Variants in TAOK1 observed in about 807,000 individuals in gnomAD.
TAOK1 encodes the protein serine/threonine-protein kinase TAO1.
TAOK1 carries 21 observed loss-of-function variants against 138.3 expected under a neutral mutation model. The ratio of observed to expected loss-of-function variants is 0.15; its 90% CI spans 0.11 to 0.22. The LOEUF (loss-of-function observed/expected upper bound fraction) is 0.22, where lower values mean the gene tolerates loss of function less well. TAOK1 is among the 10% of genes least tolerant of loss of function. The pLI is 1.00. For missense variants in TAOK1, 651 were observed against 1,227.7 expected, an observed-to-expected ratio of 0.53 and a Z score of 7.02; for synonymous variants, 361 against 398.4, an observed-to-expected ratio of 0.91 and a Z score of 1.12.
intron 1 of TAOK1, among the ~76,000 whole-genome samples, chr17:29,396,477 T>A (rs533568829): frequency 6.6e-6 from 1 of 152,222 alleles, no homozygotes; most frequent in South Asian, 2.1e-4. Context: ...TTAAATATAA[T>A]GGCACTTAAT....
intron 1 of TAOK1, among the ~76,000 whole-genome samples, chr17:29,449,703 C>T (rs1008788603): frequency 2.6e-5 from 4 of 151,510 alleles, no homozygotes; most frequent in Non-Finnish European, 5.9e-5. Flanking sequence ...TAGCCGGGGG[C>T]GGTGGTGCGT....
chr17:29,493,754 GA>G (rs1364164357), intron 10 of TAOK1, among the ~76,000 whole-genome samples: 1 of 151,568 alleles, frequency 6.6e-6, no homozygotes, highest in African/African-American at 2.4e-5. Flanking sequence ...CTATCATAAA[GA>G]AAAAAACTAA....
At chr17:29,408,369 G>T (rs575837579) in intron 1 of TAOK1, among the ~76,000 whole-genome samples, 1 of 151,890 alleles carries the variant, frequency 6.6e-6, no homozygotes, top group African/African-American at 2.4e-5. Flanking sequence ...GGGACTACAG[G>T]AGTGTGCCAC....
chr17:29,396,501 A>G (rs911442819), intron 1 of TAOK1, among the ~76,000 whole-genome samples: 4 of 152,216 alleles, frequency 2.6e-5, no homozygotes, highest in African/African-American at 9.7e-5. Context: ...CGTCTAATTT[A>G]TCTTTAAAGC....
At chr17:29,478,195 T>C in intron 5 of TAOK1, 56 bp from the exon 6 acceptor site, 2 of 1,308,682 alleles carry the variant, frequency 1.5e-6, no homozygotes, top group African/African-American at 1.5e-5. Flanking sequence ...GTATTAGATA[T>C]GTATTTTTTT....
chr17:29,458,038 A>C (rs1010752477), intron 2 of TAOK1, among the ~76,000 whole-genome samples: 1 of 151,762 alleles, frequency 6.6e-6, no homozygotes, highest in Non-Finnish European at 1.5e-5. Context: ...TGAACCCGGG[A>C]GGTGGAGCTT....
intron 1 of TAOK1, among the ~76,000 whole-genome samples, chr17:29,433,419 T>C (rs1272690885): frequency 6.5e-5 from 9 of 138,184 alleles, no homozygotes; most frequent in African/African-American, 2.5e-4. Flanking sequence ...AGCTAGACTC[T>C]GTCTCAAAAA....
chr17:29,504,167 C>T (rs2031582487), intron 13 of TAOK1, among the ~76,000 whole-genome samples: 1 of 140,906 alleles, frequency 7.1e-6, no homozygotes, highest in African/African-American at 2.6e-5. Flanking sequence ...GTCCCATATA[C>T]TTGGGAGACT....
At chr17:29,440,639 G>T (rs1034003225) in intron 1 of TAOK1, among the ~76,000 whole-genome samples, 1 of 151,488 alleles carries the variant, frequency 6.6e-6, no homozygotes, top group Non-Finnish European at 1.5e-5. Flanking sequence ...GCAGTCACGC[G>T]ATCTCAGCTT....
chr17:29,525,748 G>A (rs2031998824), intron 17 of TAOK1, among the ~76,000 whole-genome samples: 1 of 151,922 alleles, frequency 6.6e-6, no homozygotes, highest in Admixed American at 6.6e-5. Flanking sequence ...ACTCACACCT[G>A]TAATCCCAGC....
intron 18 of TAOK1, among the ~76,000 whole-genome samples, chr17:29,530,984 C>CG (rs1267870964): frequency 2.1e-4 from 1 of 4,862 alleles, no homozygotes; most frequent in Non-Finnish European, 5.7e-4. Context: ...TTTTTTGAGA[C>CG]GGAGTCTCAC....
chr17:29,432,989 G>C (rs952725279), intron 1 of TAOK1, among the ~76,000 whole-genome samples: 1 of 152,014 alleles, frequency 6.6e-6, no homozygotes, highest in Non-Finnish European at 1.5e-5. Flanking sequence ...TGAATTCCTG[G>C]GCTCAAGCAG....
chr17:29,458,428 G>A (rs935181012), intron 2 of TAOK1, among the ~76,000 whole-genome samples: 2 of 152,176 alleles, frequency 1.3e-5, no homozygotes, highest in Non-Finnish European at 2.9e-5. Flanking sequence ...TCCAACATTT[G>A]GTATTGACAG....
chr17:29,441,474 A>G (rs923094653), intron 1 of TAOK1, among the ~76,000 whole-genome samples: 1 of 152,080 alleles, frequency 6.6e-6, no homozygotes, highest in African/African-American at 2.4e-5. Flanking sequence ...GTCTGTTGAA[A>G]TGTTCTGTTT....
At chr17:29,495,814 T>C in intron 11 of TAOK1, 87 bp downstream of exon 11, 1 of 1,214,714 alleles carries the variant, frequency 8.2e-7, no homozygotes, top group South Asian at 2.3e-5. Context: ...ATTTACCTTA[T>C]ATACCAAGGG....
chr17:29,435,421 A>G (rs1300669468), intron 1 of TAOK1, among the ~76,000 whole-genome samples: 3 of 152,180 alleles, frequency 2.0e-5, no homozygotes, highest in Admixed American at 2.0e-4. Context: ...TTATTTGCCT[A>G]AAGTATAGCA....
chr17:29,488,526 C>T (rs939175048), intron 8 of TAOK1, among the ~76,000 whole-genome samples: 2 of 133,938 alleles, frequency 1.5e-5, no homozygotes, highest in Non-Finnish European at 3.4e-5. Context: ...GAGCCAAGAT[C>T]GTGCCATTGC....
intron 17 of TAOK1, among the ~76,000 whole-genome samples, chr17:29,527,210 A>G (rs932635922): frequency 2.0e-5 from 3 of 151,888 alleles, no homozygotes; most frequent in Admixed American, 2.0e-4. Flanking sequence ...GGATCACTTG[A>G]ACCCCAGGAG....
intron 1 of TAOK1, among the ~76,000 whole-genome samples, chr17:29,442,147 A>G (rs1338352080): frequency 6.6e-6 from 1 of 151,682 alleles, no homozygotes; most frequent in East Asian, 1.9e-4. Context: ...GGCTCAAGCA[A>G]TCCTCCCACC....
Sources: gnomAD v4.1 joint callset for allele counts (sites outside exome capture counted in the v4.1 genomes callset) on GRCh38, gnomAD v4.1.1 for gene constraint, MANE v1.5 for transcripts, NCBI Gene and HGNC (gene_info 2026-07-23, HGNC 2026-07-21) for gene names.